RUNX2: variants seen among roughly 807,000 people sequenced by gnomAD.
RUNX2 encodes runt-related transcription factor 2.
RUNX2 carries 10 observed loss-of-function variants against 51.7 expected under a neutral mutation model. That is an observed-to-expected ratio of 0.19 (90% CI 0.12 to 0.33). The LOEUF is 0.33. Among genes scored for constraint, RUNX2 ranks in the 10% least tolerant of loss-of-function variants. The probability of loss-of-function intolerance (pLI) is 1.00; values close to 1 mark genes in which losing one functional copy is unlikely to be tolerated. For missense variants in RUNX2, 562 were observed against 691.3 expected (o/e 0.81, Z 2.10); for synonymous variants, 276 against 273.6 (o/e 1.01, Z -0.09).
rs191469977 is a variant in RUNX2, at chr6:45,498,015, G to T, written c.859+5901G>T. ...TCCTCACAATAGCTCTATGAGATAG[G>T]AGGCATTCTTATGGAAACTGATGGT... On this transcript the variant is annotated intron_variant, in intron 6 of 8. Coordinates refer to ENST00000647337, the MANE Select transcript of RUNX2 (RefSeq NM_001024630.4). 2.7e-3 allele frequency among the ~76,000 whole-genome samples: 407 copies of T among 152,172 alleles called. 1 individual carries two copies. Among genetic ancestry groups the T allele is most frequent in the African/African-American group, 9.4e-3 (390 of 41,520 alleles).
chr6:45,510,550 A>G (rs907314122), intron 6 of RUNX2, among the ~76,000 whole-genome samples: 1 of 152,182 alleles, frequency 6.6e-6, no homozygotes, highest in African/African-American at 2.4e-5. Context: ...TGATCTAAAA[A>G]TCCGCATCTT....
At chr6:45,355,063 C>T (rs1217078547) in intron 2 of RUNX2, among the ~76,000 whole-genome samples, 2 of 151,850 alleles carry the variant, frequency 1.3e-5, no homozygotes, top group Admixed American at 6.6e-5. Context: ...CAGACTCAAC[C>T]ACTTGGGCTT....
At chr6:45,512,890 A>AGGATCTTT (rs568405116) in intron 7 of RUNX2, among the ~76,000 whole-genome samples, 10 of 152,128 alleles carry the variant, frequency 6.6e-5, no homozygotes, top group Admixed American at 2.0e-4. Context: ...GTCAGAAACT[A>AGGATCTTT]GTCATTTGAA....
intron 6 of RUNX2, among the ~76,000 whole-genome samples, chr6:45,505,922 T>G (rs192461419): frequency 4.1e-4 from 62 of 152,344 alleles, no homozygotes; most frequent in Middle Eastern, 3.4e-3. Context: ...TTGCCTCGGT[T>G]GAAACACATG....
At chr6:45,427,346 A>G (rs931367463) in intron 3 of RUNX2, among the ~76,000 whole-genome samples, 1 of 152,060 alleles carries the variant, frequency 6.6e-6, no homozygotes, top group Non-Finnish European at 1.5e-5. Flanking sequence ...ATGGCCCACA[A>G]ATTGCTGCTT....
At chr6:45,428,838 C>CTTTT (rs66878438) in intron 3 of RUNX2, among the ~76,000 whole-genome samples, 4 of 131,058 alleles carry the variant, frequency 3.1e-5, no homozygotes, top group Non-Finnish European at 3.2e-5. Context: ...GGGCAGATTG[C>CTTTT]TTTTTTTTTT....
At chr6:45,374,664 T>C (rs1251390863) in intron 2 of RUNX2, among the ~76,000 whole-genome samples, 1 of 152,166 alleles carries the variant, frequency 6.6e-6, no homozygotes, top group Non-Finnish European at 1.5e-5. Context: ...CACCATAAAA[T>C]AAAATCAGTG....
intron 2 of RUNX2, among the ~76,000 whole-genome samples, chr6:45,403,952 G>A (rs1482038851): frequency 6.6e-6 from 1 of 152,042 alleles, no homozygotes; most frequent in Non-Finnish European, 1.5e-5. Context: ...ACTCACTGAG[G>A]TGACATTTAA....
At chr6:45,376,208 C>T (rs1338593669) in intron 2 of RUNX2, among the ~76,000 whole-genome samples, 3 of 152,194 alleles carry the variant, frequency 2.0e-5, no homozygotes, top group Non-Finnish European at 4.4e-5. Context: ...TAAATAAGTA[C>T]TAACAGACCC....
chr6:45,443,843 T>C (rs79801023), intron 5 of RUNX2, among the ~76,000 whole-genome samples: 5,899 of 152,236 alleles, frequency 0.039, 378 homozygotes, highest in African/African-American at 0.13. Flanking sequence ...TTATGAATCC[T>C]CAGATGGTTA....
intron 2 of RUNX2, among the ~76,000 whole-genome samples, chr6:45,333,460 C>A (rs1328783509): frequency 3.3e-5 from 5 of 151,462 alleles, no homozygotes; most frequent in Non-Finnish European, 7.4e-5. Flanking sequence ...ATTTCCTCCC[C>A]TTTATACTAT....
intron 5 of RUNX2, among the ~76,000 whole-genome samples, chr6:45,452,186 G>A (rs556649001): frequency 6.6e-6 from 1 of 152,300 alleles, no homozygotes; most frequent in South Asian, 2.1e-4. Flanking sequence ...TCCTCCCTAT[G>A]GGGAGAAATT....
At chr6:45,479,602 A>G (rs997590216) in intron 5 of RUNX2, among the ~76,000 whole-genome samples, 5 of 152,216 alleles carry the variant, frequency 3.3e-5, no homozygotes, top group African/African-American at 4.8e-5. Context: ...ATGTACGTAT[A>G]TGTGGAAAAG....
rs1802483665 is a variant in RUNX2 at position 45,548,973 on chromosome 6, C to A, written c.*1668C>A. ...GTAGCTGAGCTGAGAGGACATATGGCCCACGGGGACCTACAGACAGCCTTT... is the reference window on the plus strand; with the variant it reads ...GTAGCTGAGCTGAGAGGACATATGGACCACGGGGACCTACAGACAGCCTTT... On this transcript the variant is annotated 3_prime_UTR_variant, in exon 9 of 9. Transcript: ENST00000647337. The A allele has an allele frequency of 5.0e-6, 2 of 396,470 alleles. No individual in the cohort carries two copies. Among genetic ancestry groups the A allele is most frequent in the Admixed American group, 8.8e-5 (2 of 22,654 alleles). The allele number at this position is 396,470 out of a possible 1,614,324, so 24.6% of individuals were successfully genotyped here. A position where few individuals can be genotyped will look rare whatever the true frequency, so the allele number is the denominator to read the frequency against.
At chr6:45,477,748 T>G (rs1336979304) in intron 5 of RUNX2, among the ~76,000 whole-genome samples, 1 of 152,254 alleles carries the variant, frequency 6.6e-6, no homozygotes, top group African/African-American at 2.4e-5. Flanking sequence ...ACTGGTTTTA[T>G]GTCTCTAACT....
chr6:45,381,219 C>G (rs894646319), intron 2 of RUNX2, among the ~76,000 whole-genome samples: 13 of 152,126 alleles, frequency 8.5e-5, no homozygotes, highest in Non-Finnish European at 1.8e-4. Context: ...TTACTCAGCC[C>G]GGTAGTACCT....
intron 2 of RUNX2, among the ~76,000 whole-genome samples, chr6:45,387,516 C>T (rs973130400): frequency 3.3e-5 from 5 of 152,198 alleles, no homozygotes; most frequent in African/African-American, 9.7e-5. Context: ...ATGCCCGAGA[C>T]AGTGCATAAA....
At chr6:45,523,574 A>C (rs1274197548) in intron 7 of RUNX2, among the ~76,000 whole-genome samples, 2 of 151,442 alleles carry the variant, frequency 1.3e-5, no homozygotes, top group African/African-American at 4.8e-5. Context: ...CCCGGCCTGC[A>C]TGATTATTTT....
intron 2 of RUNX2, among the ~76,000 whole-genome samples, chr6:45,380,246 A>G (rs1797206765): frequency 6.6e-6 from 1 of 152,248 alleles, no homozygotes; most frequent in African/African-American, 2.4e-5. Flanking sequence ...GGCTTTGATG[A>G]CTACCACCTC....
Sources: allele counts gnomAD v4.1 joint callset (sites outside exome capture counted in the v4.1 genomes callset), GRCh38; gene constraint gnomAD v4.1.1; transcripts MANE v1.5; gene names NCBI Gene and HGNC (gene_info 2026-07-23, HGNC 2026-07-21).